The following DNASE1 variants were observed in gnomAD, a reference collection of about 807,000 sequenced individuals.
DNASE1 encodes the protein deoxyribonuclease 1.
A neutral mutation model predicts 33.9 loss-of-function variants in DNASE1; 40 were observed. The observed-to-expected ratio is 1.18, with a 90% CI of 0.92 to 1.54. The LOEUF (loss-of-function observed/expected upper bound fraction) is 1.54, where lower values mean the gene tolerates loss of function less well. Among genes scored for constraint, DNASE1 ranks in the 40% most tolerant of loss-of-function variants. The pLI is 0.00. For synonymous variants in DNASE1, 216 were observed against 160.0 expected (o/e 1.35, Z -2.64); for missense variants, 518 against 372.6 (o/e 1.39, Z -3.21).
downstream of DNASE1, chr16:3,662,065 A>G (rs1432953884): frequency 6.2e-7 from 1 of 1,613,314 alleles, no homozygotes; most frequent in Admixed American, 1.7e-5. Flanking sequence ...CATGCGCAGG[A>G]AGTGGCGGGC....
chr16:3,664,785 C>T (rs1318899186), exon 10 of DNASE1: 4 of 285,572 alleles, frequency 1.4e-5, no homozygotes, highest in South Asian at 4.4e-5. Context: ...TCCCTCTGCC[C>T]TCAGTGACAG....
downstream of DNASE1, chr16:3,659,012 GATA>G (rs766152190): frequency 7.6e-5 from 58 of 763,928 alleles, no homozygotes; most frequent in Non-Finnish European, 1.1e-4. Context: ...ATCATTTATA[GATA>G]ATATCATTAT....
chr16:3,658,785 G>C (rs569161134), downstream of DNASE1: 2 of 1,613,186 alleles, frequency 1.2e-6, no homozygotes, highest in African/African-American at 2.7e-5. Flanking sequence ...CTAAGCTGCT[G>C]CACTCACCTG....
intron 1 of DNASE1, among the ~76,000 whole-genome samples, chr16:3,613,606 C>T (rs1202011169): frequency 6.6e-6 from 1 of 152,086 alleles, no homozygotes; most frequent in Admixed American, 6.5e-5. Context: ...ATATGGTTTC[C>T]AACTGGATAA....
upstream of DNASE1, chr16:3,650,739 G>T (rs1167670681): frequency 6.6e-6 from 1 of 152,118 alleles, no homozygotes; most frequent in African/African-American, 2.4e-5. Context: ...AAAGAGAAAT[G>T]TTCATGTTAT....
upstream of DNASE1, among the ~76,000 whole-genome samples, chr16:3,638,492 C>G (rs1046048996): frequency 1.3e-5 from 2 of 152,180 alleles, no homozygotes; most frequent in Admixed American, 1.3e-4. Flanking sequence ...CGCCCGCCAC[C>G]ACACTCAGCT....
Position 3,625,028 on chromosome 16 carries a change from C to T in DNASE1, c.-1359+13022C>T, listed in dbSNP as rs139860316. 1.8e-3 allele frequency among the ~76,000 whole-genome samples: 267 copies of T among 152,082 alleles called. 1 individual carries two copies. Among genetic ancestry groups the T allele is most frequent in the African/African-American group, 6.1e-3 (255 of 41,498 alleles). On this transcript the variant is annotated intron_variant and NMD_transcript_variant, in intron 1 of 11. Coordinates refer to the DNASE1 transcript ENST00000570769. ...TTTCTTATTAAAACTTAATGGGGGC[C>T]GGGGGCAGTGGCTCACTCCTGTAAT...
intron 1 of DNASE1, among the ~76,000 whole-genome samples, chr16:3,616,348 C>T (rs1007331813): frequency 1.3e-5 from 2 of 152,222 alleles, no homozygotes; most frequent in African/African-American, 2.4e-5. Flanking sequence ...TGGCCGGGTG[C>T]GGTGGCTCAC....
At chr16:3,647,070 G>T (rs2042194780) in intron 1 of DNASE1, among the ~76,000 whole-genome samples, 3 of 152,166 alleles carry the variant, frequency 2.0e-5, no homozygotes, top group African/African-American at 7.2e-5. Flanking sequence ...TCAGAGGACA[G>T]CAGGGGAGTG....
chr16:3,621,566 T>C (rs532924560), intron 1 of DNASE1, among the ~76,000 whole-genome samples: 1 of 152,304 alleles, frequency 6.6e-6, no homozygotes, highest in East Asian at 1.9e-4. Flanking sequence ...TCCCTGCTTT[T>C]CCCCAATGTA....
At chr16:3,664,317 T>C in exon 10 of DNASE1, 2 of 1,611,954 alleles carry the variant, frequency 1.2e-6, no homozygotes, top group Non-Finnish European at 1.7e-6. Context: ...GGGTGAGTGC[T>C]CTGCCAGGTG....
At position 3,657,704 on chromosome 16, in the gene DNASE1, T is replaced by TCCCAACA. The variant is rs756978451; in HGVS notation, c.705-11_705-5dup. On this transcript the variant is annotated splice_polypyrimidine_tract_variant and intron_variant, in intron 7 of 8. Transcript: ENST00000246949. Reference sequence around the variant, plus strand: ...TGTGAAAGGGGAACCTACTTTCTCTTCCCAACACCCATCAGGATCGTGGTT... The same window carrying TCCCAACA: ...TGTGAAAGGGGAACCTACTTTCTCTTCCCAACACCCAACACCCATCAGGATCGTGGTT... 6.2e-7 allele frequency: 1 copy of TCCCAACA among 1,613,676 alleles called. No homozygotes were observed. The highest frequency in any genetic ancestry group is 8.5e-7 in the Non-Finnish European group (1 of 1,179,968).
chr16:3,660,732 CAAAAG>C (rs1341685999), downstream of DNASE1: 1 of 151,902 alleles, frequency 6.6e-6, no homozygotes, highest in Non-Finnish European at 1.5e-5. Context: ...TGTAAAATGA[CAAAAG>C]AAAAAAACTA....
intron 1 of DNASE1, among the ~76,000 whole-genome samples, chr16:3,612,883 G>A (rs1459653883): frequency 6.6e-6 from 1 of 151,536 alleles, no homozygotes; most frequent in African/African-American, 2.4e-5. Flanking sequence ...ACGATTTGCC[G>A]GTTTCTGGCC....
At chr16:3,648,360 A>G (rs1455480685) in intron 1 of DNASE1, among the ~76,000 whole-genome samples, 1 of 152,196 alleles carries the variant, frequency 6.6e-6, no homozygotes, top group African/African-American at 2.4e-5. Context: ...CAGGAGATCG[A>G]GACCATCCTG....
downstream of DNASE1, chr16:3,662,927 C>T (rs2151240681): frequency 6.2e-7 from 1 of 1,613,096 alleles, no homozygotes; most frequent in East Asian, 2.2e-5. Flanking sequence ...TCATCCAGGC[C>T]ATGAGCTCCT....
chr16:3,657,878 C>T (rs748505517), intron 8 of DNASE1, 28 bp from the exon 9 acceptor site: 20 of 1,613,872 alleles, frequency 1.2e-5, no homozygotes, highest in Middle Eastern at 3.3e-4. Flanking sequence ...GTAGGCTCAG[C>T]CCAGACCCTG....
At chr16:3,648,692 C>T (rs1023040110) in intron 1 of DNASE1, among the ~76,000 whole-genome samples, 2 of 152,158 alleles carry the variant, frequency 1.3e-5, no homozygotes, top group Non-Finnish European at 2.9e-5. Flanking sequence ...CCAATAAGAG[C>T]CATTACAAAC....
exon 10 of DNASE1, chr16:3,663,934 G>A (rs770557329): frequency 1.4e-4 from 49 of 353,724 alleles, no homozygotes; most frequent in Non-Finnish European, 1.0e-4. Flanking sequence ...GTGGTGGTGT[G>A]CACCTGTAGT....
Sources: gnomAD v4.1 joint callset for allele counts (sites outside exome capture counted in the v4.1 genomes callset) on GRCh38, gnomAD v4.1.1 for gene constraint, MANE v1.5 for transcripts, NCBI Gene and HGNC (gene_info 2026-07-23, HGNC 2026-07-21) for gene names.